The following ABCB4 variants were observed in gnomAD, a reference collection of about 807,000 sequenced individuals.
The protein encoded by ABCB4 is ATP binding cassette subfamily B member 4.
ABCB4 carries 76 observed loss-of-function variants against 145.7 expected under a neutral mutation model. The observed-to-expected ratio is 0.52, with a 90% CI of 0.43 to 0.63. The LOEUF is 0.63. ABCB4 is among the 30% of genes least tolerant of loss of function. The pLI is 0.00. For synonymous variants in ABCB4, 517 were observed against 566.8 expected, an observed-to-expected ratio of 0.91 and a Z score of 1.25; for missense variants, 1,234 against 1,553.1, an observed-to-expected ratio of 0.79 and a Z score of 3.45.
At chr7:87,429,563 T>C (rs187530482) in intron 15 of ABCB4, among the ~76,000 whole-genome samples, 1 of 152,344 alleles carries the variant, frequency 6.6e-6, no homozygotes, top group African/African-American at 2.4e-5. Context: ...CTTATGGCAA[T>C]AGGACAGCCA....
chr7:87,442,159 G>A (rs912377788), intron 12 of ABCB4, among the ~76,000 whole-genome samples: 7 of 151,904 alleles, frequency 4.6e-5, no homozygotes, highest in Non-Finnish European at 7.4e-5. Flanking sequence ...TATTTTACCA[G>A]GTTCTTTTTA....
chr7:87,416,246 T>C (rs1808966376), intron 21 of ABCB4, among the ~76,000 whole-genome samples: 1 of 152,210 alleles, frequency 6.6e-6, no homozygotes, highest in Non-Finnish European at 1.5e-5. Context: ...CCAGACATAA[T>C]TGGTTTAGTG....
intron 14 of ABCB4, among the ~76,000 whole-genome samples, chr7:87,439,280 T>C (rs1810813713): frequency 6.6e-6 from 1 of 152,214 alleles, no homozygotes; most frequent in South Asian, 2.1e-4. Flanking sequence ...ATGATGTCAC[T>C]GCCTACAAAA....
chr7:87,449,697 C>T (rs1321101701), intron 8 of ABCB4, among the ~76,000 whole-genome samples: 1 of 151,986 alleles, frequency 6.6e-6, no homozygotes, highest in Non-Finnish European at 1.5e-5. Flanking sequence ...CTTGGCTTCC[C>T]AAAGGGCTAG....
chr7:87,392,693 A>T, the ABCB4 span: 4 of 1,610,828 alleles, frequency 2.5e-6, no homozygotes, highest in East Asian at 8.9e-5. Context: ...ATGGTGAAAA[A>T]TTTTTTTCTA....
chr7:87,377,166 C>T, the ABCB4 span, among the ~76,000 whole-genome samples: 2 of 151,974 alleles, frequency 1.3e-5, no homozygotes, highest in Non-Finnish European at 2.9e-5. Flanking sequence ...AAGTCAGGGC[C>T]AGAATTACTC....
At chr7:87,427,523 A>G (rs943699073) in intron 15 of ABCB4, among the ~76,000 whole-genome samples, 1 of 152,166 alleles carries the variant, frequency 6.6e-6, no homozygotes, top group Admixed American at 6.5e-5. Context: ...CTTCTAGTTC[A>G]CTGCCTAGTA....
intron 8 of ABCB4, among the ~76,000 whole-genome samples, chr7:87,448,984 A>C (rs1018803108): frequency 1.3e-5 from 2 of 152,208 alleles, no homozygotes; most frequent in Admixed American, 1.3e-4. Context: ...TAAAACCCTA[A>C]GTAATTATTT....
the ABCB4 span, among the ~76,000 whole-genome samples, chr7:87,394,516 C>A: frequency 6.7e-6 from 1 of 149,802 alleles, no homozygotes; most frequent in African/African-American, 2.5e-5. Flanking sequence ...TGCATTTGCC[C>A]ATCATTTCAA....
the ABCB4 span, chr7:87,382,181 G>T: frequency 6.3e-7 from 1 of 1,593,556 alleles, no homozygotes; most frequent in South Asian, 1.1e-5. Flanking sequence ...ATCTCAGGGA[G>T]GTATATTTTT....
chr7:87,380,476 G>A, the ABCB4 span, among the ~76,000 whole-genome samples: 1 of 61,202 alleles, frequency 1.6e-5, no homozygotes, highest in Non-Finnish European at 4.7e-5. Context: ...GGGAAATGAG[G>A]CAGTTTAATT....
At chr7:87,402,388 C>T (rs1807848952) in intron 27 of ABCB4, 86 bp from the exon 28 acceptor site, 4 of 1,488,628 alleles carry the variant, frequency 2.7e-6, no homozygotes, top group Non-Finnish European at 3.7e-6. Flanking sequence ...TGTTACCTTT[C>T]TAATCAACTT....
chr7:87,418,814 C>G (rs1172276744), intron 19 of ABCB4, among the ~76,000 whole-genome samples, 194 bp from the exon 20 acceptor site: 3 of 152,156 alleles, frequency 2.0e-5, no homozygotes, highest in African/African-American at 7.2e-5. Context: ...TCTGTGGTAG[C>G]AGGGAGGGCA....
chr7:87,369,476 G>A, the ABCB4 span: 10 of 1,609,108 alleles, frequency 6.2e-6, no homozygotes, highest in Admixed American at 1.0e-4. Flanking sequence ...CCCCGCCAGA[G>A]CTTCTCAGGT....
At chr7:87,440,144 G>T in intron 13 of ABCB4, 55 bp downstream of exon 13, 2 of 1,550,640 alleles carry the variant, frequency 1.3e-6, no homozygotes, top group Non-Finnish European at 1.8e-6. Context: ...AATAAACTCA[G>T]TCCTATGAGG....
rs770222257 is a variant in ABCB4, at chr7:87,451,619, A to G, written c.708+4T>C. The G allele has an allele frequency of 3.1e-6, 5 of 1,614,042 alleles. No individual in the cohort carries two copies. The African/African-American group carries it at 4.0e-5, about 13-fold the overall frequency. On this transcript the variant is annotated splice_donor_region_variant and intron_variant, in intron 7 of 27. Coordinates refer to ENST00000649586, the MANE Select transcript of ABCB4 (RefSeq NM_000443.4). ...ACACATAAAAAGGCCCAGCTTTCAC[A>G]TACCTTTGCCCAAACGGCTGCAGAG...
chr7:87,433,964 T>C (rs1810428181), intron 14 of ABCB4, among the ~76,000 whole-genome samples: 1 of 151,548 alleles, frequency 6.6e-6, no homozygotes, highest in African/African-American at 2.4e-5. Flanking sequence ...GGAGTCTTGC[T>C]CTGTTGCCAG....
intron 14 of ABCB4, among the ~76,000 whole-genome samples, chr7:87,433,636 G>A (rs895865782): frequency 2.7e-5 from 4 of 147,916 alleles, no homozygotes; most frequent in Non-Finnish European, 5.9e-5. Context: ...ACCAAGAGAA[G>A]TTGGCCAAAG....
chr7:87,374,665 A>T, the ABCB4 span, among the ~76,000 whole-genome samples: 2 of 152,160 alleles, frequency 1.3e-5, no homozygotes, highest in African/African-American at 4.8e-5. Context: ...GTTCCTCAGG[A>T]CACCATTAAT....
Sources: allele counts gnomAD v4.1 joint callset (sites outside exome capture counted in the v4.1 genomes callset), GRCh38; gene constraint gnomAD v4.1.1; transcripts MANE v1.5; gene names NCBI Gene and HGNC (gene_info 2026-07-23, HGNC 2026-07-21).